UGT2B10: variants seen among roughly 807,000 people sequenced by gnomAD.
UGT2B10 encodes the protein UDP glucuronosyltransferase family 2 member B10, also known as UDP-glucuronosyltransferase 2B10.
A neutral mutation model predicts 43.7 loss-of-function variants in UGT2B10; 51 were observed. That is an observed-to-expected ratio of 1.17 (90% CI 0.93 to 1.47). The LOEUF is 1.47. UGT2B10 is among the 40% of genes most tolerant of loss of function. The pLI is 0.00. For synonymous variants in UGT2B10, 225 were observed against 209.0 expected, an observed-to-expected ratio of 1.08 and a Z score of -0.66; for missense variants, 696 against 617.7, an observed-to-expected ratio of 1.13 and a Z score of -1.34.
chr4:68,830,956 G>A lies in UGT2B10; in HGVS notation c.*77G>A, dbSNP rs752631764. On this transcript the variant is annotated 3_prime_UTR_variant, in exon 6 of 6. Transcript: ENST00000265403. Reference sequence around the variant, plus strand: ...TGATTCCAGCAATAAATATTGTGATGCAAGATTTCTTTCTTCCTGTGACAA... The same window carrying A: ...TGATTCCAGCAATAAATATTGTGATACAAGATTTCTTTCTTCCTGTGACAA... 4.7e-6 allele frequency: 7 copies of A among 1,502,008 alleles called. No individual in the cohort carries two copies. The highest frequency in any genetic ancestry group is 6.3e-6 in the Non-Finnish European group (7 of 1,119,976). The allele number at this position is 1,502,008 out of a possible 1,614,324, so 93.0% of individuals were successfully genotyped here. A position where few individuals can be genotyped will look rare whatever the true frequency, so the allele number is the denominator to read the frequency against.
intron 3 of UGT2B10, among the ~76,000 whole-genome samples, chr4:68,823,781 A>C (rs1265003709): frequency 6.6e-6 from 1 of 152,156 alleles, no homozygotes; most frequent in Non-Finnish European, 1.5e-5. Flanking sequence ...ATATTAGTTC[A>C]AAATCAAAAA....
intron 3 of UGT2B10, among the ~76,000 whole-genome samples, chr4:68,824,105 G>A (rs116829980): frequency 0.01 from 1,592 of 152,318 alleles, 37 homozygotes; most frequent in South Asian, 0.059. Flanking sequence ...GTTTAGGTTT[G>A]CCATATTATC....
intron 5 of UGT2B10, among the ~76,000 whole-genome samples, chr4:68,827,904 TC>T (rs1737882232): frequency 6.6e-6 from 1 of 150,954 alleles, no homozygotes; most frequent in Non-Finnish European, 1.5e-5. Context: ...ATCTAAAATG[TC>T]TCAGAATATA....
chr4:68,830,533 A>T lies in UGT2B10; in HGVS notation c.1308-67A>T, dbSNP rs188925929. 1.7e-4 allele frequency: 257 copies of T among 1,511,248 alleles called. No homozygotes were observed. The African/African-American group carries it at 3.3e-3, about 20-fold the overall frequency. The allele number at this position is 1,511,248 out of a possible 1,614,324, so 93.6% of individuals were successfully genotyped here. ...TTATTTGACACTTTAAAAGCCTTTC[A>T]TAGACTTGATATCTACAGGCAAATT... On this transcript the variant is annotated intron_variant, in intron 5 of 5. Transcript: ENST00000265403.
intron 5 of UGT2B10, 55 bp from the exon 6 acceptor site, chr4:68,830,545 T>C: frequency 1.4e-5 from 21 of 1,543,740 alleles, no homozygotes; most frequent in Non-Finnish European, 1.7e-5. Flanking sequence ...AGACTTGATA[T>C]CTACAGGCAA....
Position 68,816,102 on chromosome 4 carries a change from G to A in UGT2B10, c.83G>A (p.Trp28Ter). 6.2e-7 allele frequency: 1 copy of A among 1,613,232 alleles called. No homozygotes were observed. The highest frequency in any genetic ancestry group is 8.5e-7 in the Non-Finnish European group (1 of 1,179,430). Residue 28 changes from tryptophan to a stop codon, truncating the protein, a stop_gained, in exon 1 of 6, where the codon TGG becomes TAG. Transcript: ENST00000265403. LOFTEE classifies it high-confidence loss of function. ...GGGAGTTGTGGAAAGGTGCTGGTATGGGCCGCAGAATACAGCCTTTGGATG... is the reference window on the plus strand; with the variant it reads ...GGGAGTTGTGGAAAGGTGCTGGTATAGGCCGCAGAATACAGCCTTTGGATG... ...SSGSCGKVLV[W>*]AAEYSLWMNM...
rs145133187 is a variant in UGT2B10, at chr4:68,816,107, G to A, written c.88G>A (p.Ala30Thr). The A allele has an allele frequency of 1.3e-3, 2,055 of 1,613,194 alleles. 29 individuals carry two copies. In the African/African-American group the frequency reaches 0.023, roughly 18 times the overall value. ...GSCGKVLVWA[A>T]EYSLWMNMKT... ...TTGTGGAAAGGTGCTGGTATGGGCCGCAGAATACAGCCTTTGGATGAATAT... is the reference window on the plus strand; with the variant it reads ...TTGTGGAAAGGTGCTGGTATGGGCCACAGAATACAGCCTTTGGATGAATAT... Residue 30 changes from alanine (A) to threonine (T), a missense_variant, in exon 1 of 6, where the codon GCA becomes ACA. Ala to Thr is a moderately conservative substitution (Grantham distance 58). Transcript: ENST00000265403.
intron 5 of UGT2B10, among the ~76,000 whole-genome samples, chr4:68,829,834 A>G (rs538305212): frequency 3.9e-5 from 6 of 152,214 alleles, no homozygotes; most frequent in Non-Finnish European, 8.8e-5. Flanking sequence ...GTGTCTAACA[A>G]TGTAGGGTTC....
At chr4:68,820,442 AAATT>A (rs1424868528) in intron 2 of UGT2B10, among the ~76,000 whole-genome samples, 3 of 152,116 alleles carry the variant, frequency 2.0e-5, no homozygotes, top group African/African-American at 2.4e-5. Context: ...AATCATAAAA[AAATT>A]AATCAAGGTG....
chr4:68,827,603 A>G, intron 5 of UGT2B10, 55 bp downstream of exon 5: 2 of 1,601,576 alleles, frequency 1.2e-6, no homozygotes, highest in African/African-American at 1.3e-5. Context: ...TTTTCTTGTC[A>G]GTAGTGAGCA....
intron 3 of UGT2B10, among the ~76,000 whole-genome samples, chr4:68,822,692 A>C (rs899744671): frequency 1.3e-5 from 2 of 152,116 alleles, no homozygotes; most frequent in Non-Finnish European, 2.9e-5. Context: ...TGAGACCCAC[A>C]ATTACTTTTA....
chr4:68,816,863 C>T (rs1578262106), intron 1 of UGT2B10, 126 bp downstream of exon 1: 1 of 846,152 alleles, frequency 1.2e-6, no homozygotes, highest in Non-Finnish European at 1.8e-6. Flanking sequence ...AATGAAAATA[C>T]AAGATGATCT....
intron 2 of UGT2B10, among the ~76,000 whole-genome samples, chr4:68,821,998 T>C (rs752718110): frequency 2.6e-5 from 4 of 152,182 alleles, no homozygotes; most frequent in Admixed American, 6.6e-5. Context: ...CTGACTACAA[T>C]GTAATAGCTC....
In UGT2B10 at chr4:68,827,405, T is replaced by G; in HGVS notation, c.1164T>G (p.Pro388=). 6.2e-7 allele frequency: 1 copy of G among 1,613,498 alleles called. No homozygotes were observed. The highest frequency in any genetic ancestry group is 8.5e-7 in the Non-Finnish European group (1 of 1,179,600). Residue 388 remains proline (P), a synonymous_variant, in exon 5 of 6, where the codon CCT becomes CCG. Transcript: ENST00000265403. The part of the protein sequence containing the change: ...GIYEAIYHGI[P]MVGIPLFFDQ... ...ATGAGGCAATCTACCATGGGATCCC[T>G]ATGGTGGGCATTCCATTGTTTTTTG...
rs1256617193 is a variant in UGT2B10 at position 68,831,533 on chromosome 4, T to C, written c.*654T>C. On this transcript the variant is annotated 3_prime_UTR_variant, in exon 6 of 6. Coordinates refer to ENST00000265403, the MANE Select transcript of UGT2B10 (RefSeq NM_001075.6). ...TGAAATCAGAAATGTGCTCCCTAAT[T>C]ATATGAAATGTTGTTTGATTACATA... Among the ~76,000 whole-genome samples, 2 of 152,096 alleles carry C rather than the reference T, an allele frequency of 1.3e-5. No homozygotes were observed. The highest frequency in any genetic ancestry group is 2.9e-5 in the Non-Finnish European group (2 of 67,994).
chr4:68,817,072 C>G (rs979257744), intron 1 of UGT2B10, among the ~76,000 whole-genome samples: 1 of 151,666 alleles, frequency 6.6e-6, no homozygotes, highest in Non-Finnish European at 1.5e-5. Context: ...AACATCTAAC[C>G]GAATGCATAG....
At chr4:68,816,856 G>A (rs1737239477) in intron 1 of UGT2B10, 119 bp downstream of exon 1, 3 of 873,718 alleles carry the variant, frequency 3.4e-6, no homozygotes, top group Non-Finnish European at 1.7e-6. Flanking sequence ...TTTATGAAAT[G>A]AAAATACAAG....
chr4:68,816,838 T>C (rs1351756563), intron 1 of UGT2B10, 101 bp downstream of exon 1: 1 of 947,526 alleles, frequency 1.1e-6, no homozygotes, highest in Non-Finnish European at 1.5e-6. Flanking sequence ...GAGTTTTTGG[T>C]AAATGAATTT....
intron 4 of UGT2B10, among the ~76,000 whole-genome samples, chr4:68,826,763 G>A (rs1244024608): frequency 5.9e-5 from 9 of 151,934 alleles, no homozygotes; most frequent in African/African-American, 1.7e-4. Flanking sequence ...TATCTTCCTG[G>A]GCTGTCCCTC....
Sources: gnomAD v4.1 joint callset for allele counts (sites outside exome capture counted in the v4.1 genomes callset) on GRCh38, gnomAD v4.1.1 for gene constraint, MANE v1.5 for transcripts, NCBI Gene and HGNC (gene_info 2026-07-23, HGNC 2026-07-21) for gene names.